CHMP2B: variants seen among roughly 807,000 people sequenced by gnomAD.
CHMP2B encodes VPS2 homolog B.
CHMP2B carries 22 observed loss-of-function variants against 29.8 expected under a neutral mutation model. The observed-to-expected ratio is 0.74, with a 90% CI of 0.53 to 1.05. The LOEUF (loss-of-function observed/expected upper bound fraction) is 1.05, where lower values mean the gene tolerates loss of function less well. CHMP2B is among the 50% of genes least tolerant of loss of function. The pLI is 0.00. For synonymous variants in CHMP2B, 78 were observed against 75.8 expected (o/e 1.03, Z -0.15); for missense variants, 261 against 252.2 (o/e 1.03, Z -0.24).
chr3:87,242,794 A>G (rs564583343), intron 2 of CHMP2B, among the ~76,000 whole-genome samples: 2 of 152,258 alleles, frequency 1.3e-5, no homozygotes, highest in Admixed American at 6.5e-5. Context: ...ATTGATTTAC[A>G]TGACTGCTTT....
intron 4 of CHMP2B, among the ~76,000 whole-genome samples, chr3:87,252,255 C>T (rs1011128052): frequency 9.2e-5 from 14 of 151,836 alleles, no homozygotes; most frequent in African/African-American, 3.4e-4. Flanking sequence ...GCCTATTTGC[C>T]AGGAGCCCCA....
chr3:87,236,413 G>A (rs1323579139), intron 1 of CHMP2B, among the ~76,000 whole-genome samples: 7 of 151,640 alleles, frequency 4.6e-5, no homozygotes, highest in Middle Eastern at 3.4e-3. Flanking sequence ...TATCACCCTC[G>A]TAATGAAAAA....
chr3:87,242,623 A>G (rs1422584529), intron 2 of CHMP2B, among the ~76,000 whole-genome samples: 1 of 152,194 alleles, frequency 6.6e-6, no homozygotes, highest in African/African-American at 2.4e-5. Flanking sequence ...ACTGTGAACC[A>G]TATTGAATTA....
At chr3:87,228,827 G>A (rs532656164) in intron 1 of CHMP2B, among the ~76,000 whole-genome samples, 1 of 151,826 alleles carries the variant, frequency 6.6e-6, no homozygotes, top group Non-Finnish European at 1.5e-5. Flanking sequence ...GATTTTATGT[G>A]TGCTTTTCAT....
At chr3:87,242,344 G>A (rs1266008825) in intron 2 of CHMP2B, among the ~76,000 whole-genome samples, 1 of 151,882 alleles carries the variant, frequency 6.6e-6, no homozygotes, top group African/African-American at 2.4e-5. Context: ...CAATGTTGGA[G>A]TTTCTTACAA....
intron 1 of CHMP2B, among the ~76,000 whole-genome samples, chr3:87,231,558 A>AATCTCTGTGATTT (rs1269765855): frequency 1.4e-4 from 21 of 152,080 alleles, no homozygotes; most frequent in Non-Finnish European, 2.1e-4. Flanking sequence ...CCTCAGTGTA[A>AATCTCTGTGATTT]ACCCCTTTAT....
intron 1 of CHMP2B, among the ~76,000 whole-genome samples, chr3:87,231,611 A>C (rs906180359): frequency 1.3e-5 from 2 of 152,098 alleles, no homozygotes; most frequent in Admixed American, 6.6e-5. Flanking sequence ...GTGTTTTAAT[A>C]ATGCGTGTAT....
chr3:87,248,786 C>T (rs949751023), intron 3 of CHMP2B, among the ~76,000 whole-genome samples: 7 of 152,016 alleles, frequency 4.6e-5, no homozygotes, highest in African/African-American at 1.5e-4. Context: ...AATGCAGTGT[C>T]ATACTTGGAA....
At chr3:87,235,700 C>G (rs1705994648) in intron 1 of CHMP2B, among the ~76,000 whole-genome samples, 1 of 152,112 alleles carries the variant, frequency 6.6e-6, no homozygotes, top group Non-Finnish European at 1.5e-5. Flanking sequence ...TATATCTAGC[C>G]TTGACTCTGA....
rs372974735 is a variant in CHMP2B, at chr3:87,240,801, C to T, written c.126+11C>T. 4.4e-6 allele frequency: 7 copies of T among 1,598,216 alleles called. No homozygotes were observed. Among genetic ancestry groups the T allele is most frequent in the East Asian group, 4.5e-5 (2 of 44,732 alleles). On this transcript the variant is annotated intron_variant, in intron 2 of 5. Transcript: ENST00000263780. Reference sequence around the variant, plus strand: ...CAAGAAAAACAGCTGGTAAGTAGAACGTTAAATTTCAGTTTAACTTTTCAA... The same window carrying T: ...CAAGAAAAACAGCTGGTAAGTAGAATGTTAAATTTCAGTTTAACTTTTCAA...
Position 87,253,808 on chromosome 3 carries a change from T to TC in CHMP2B, c.628_629insC (p.Leu210SerfsTer21). The TC allele has an allele frequency of 6.2e-7, 1 of 1,611,248 alleles. No individual in the cohort carries two copies. The highest frequency in any genetic ancestry group is 8.5e-7 in the Non-Finnish European group (1 of 1,177,758). ...AGAGATTGAACGGCAACTCAAGGCT[T>TC]TAGGAGTAGATTAGTCAAAAGAAGT... is the stretch of plus-strand genomic sequence containing the variant. On this transcript the variant is annotated frameshift_variant, in exon 6 of 6. Coordinates refer to ENST00000263780, the MANE Select transcript of CHMP2B (RefSeq NM_014043.4). LOFTEE classifies it high-confidence loss of function.
At chr3:87,231,298 A>G (rs970420485) in intron 1 of CHMP2B, among the ~76,000 whole-genome samples, 1 of 152,152 alleles carries the variant, frequency 6.6e-6, no homozygotes, top group Admixed American at 6.5e-5. Flanking sequence ...TCCAGTGTTG[A>G]CAGTGCTTGA....
rs560015387 is a variant in CHMP2B at position 87,255,424 on chromosome 3, T to C, written c.*1602T>C. On this transcript the variant is annotated 3_prime_UTR_variant, in exon 6 of 6. Transcript: ENST00000263780. ...TAACTTATTTACGTTCTTGTTTACA[T>C]GTGGGAGCTTTTGTTTTCAAAAATT... 3 of 152,588 alleles carry C rather than the reference T, an allele frequency of 2.0e-5. No homozygotes were observed. In the East Asian group the frequency reaches 5.8e-4, roughly 29 times the overall value. The allele number at this position is 152,588 out of a possible 1,614,324, so 9.5% of individuals were successfully genotyped here. A position where few individuals can be genotyped will look rare whatever the true frequency, so the allele number is the denominator to read the frequency against.
chr3:87,246,523 G>T (rs903178089), intron 3 of CHMP2B, among the ~76,000 whole-genome samples: 1 of 152,082 alleles, frequency 6.6e-6, no homozygotes, highest in Admixed American at 6.6e-5. Context: ...CCCTCAAATT[G>T]TCAGAAGATT....
Position 87,227,420 on chromosome 3 carries a change from C to T in CHMP2B, c.-103C>T, listed in dbSNP as rs1705828006. ...GACCTCCTCCTGCTGTCTCTCCGCT[C>T]CGCCACCCCGAACCCGCCAAGGTCC... On this transcript the variant is annotated 5_prime_UTR_variant, in exon 1 of 6. Coordinates refer to ENST00000263780, the MANE Select transcript of CHMP2B (RefSeq NM_014043.4). 5 of 1,396,340 alleles carry T rather than the reference C, an allele frequency of 3.6e-6. No individual in the cohort carries two copies. Among genetic ancestry groups the T allele is most frequent in the African/African-American group, 1.4e-5 (1 of 70,532 alleles). The allele number at this position is 1,396,340 out of a possible 1,614,324, so 86.5% of individuals were successfully genotyped here. A position where few individuals can be genotyped will look rare whatever the true frequency, so the allele number is the denominator to read the frequency against.
Position 87,253,459 on chromosome 3 carries a change from G to T in CHMP2B, c.480G>T (p.Gln160His), listed in dbSNP as rs1292168510. The change falls in exon 5 of 6, where the codon CAG becomes CAT. Residue 160 changes from glutamine to histidine, a missense_variant. Transcript: ENST00000263780. The part of the protein sequence containing the change: ...FDGSDDEEES[Q>H]DIVNQVLDEI... ...GTTCTGATGACGAAGAAGAAAGCCA[G>T]GATATTGTGAATCAAGTTCTTGATG... 2 of 1,612,028 alleles carry T rather than the reference G, an allele frequency of 1.2e-6. No homozygotes were observed. The highest frequency in any genetic ancestry group is 1.7e-6 in the Non-Finnish European group (2 of 1,178,418).
intron 1 of CHMP2B, among the ~76,000 whole-genome samples, chr3:87,239,614 A>G (rs1368186858): frequency 1.3e-5 from 2 of 152,172 alleles, no homozygotes; most frequent in Non-Finnish European, 2.9e-5. Flanking sequence ...GTTGGATCCA[A>G]CCAAATCTGG....
At chr3:87,233,477 A>T (rs931721513) in intron 1 of CHMP2B, among the ~76,000 whole-genome samples, 2 of 152,040 alleles carry the variant, frequency 1.3e-5, no homozygotes, top group East Asian at 3.9e-4. Flanking sequence ...TCAAGTCAAG[A>T]TGAAACATCC....
intron 3 of CHMP2B, 149 bp from the exon 4 acceptor site, chr3:87,249,726 C>T: frequency 4.1e-6 from 2 of 487,544 alleles, no homozygotes; most frequent in Non-Finnish European, 7.4e-6. Context: ...TCATTTTTTT[C>T]TAGAATATTT....
Sources: gnomAD v4.1 joint callset for allele counts (sites outside exome capture counted in the v4.1 genomes callset) on GRCh38, gnomAD v4.1.1 for gene constraint, MANE v1.5 for transcripts, NCBI Gene and HGNC (gene_info 2026-07-23, HGNC 2026-07-21) for gene names.